ZNF280D: variants seen among roughly 807,000 people sequenced by gnomAD.
ZNF280D encodes zinc finger protein 280D, also known as suppressor of hairy wing homolog 4.
A neutral mutation model predicts 94.7 loss-of-function variants in ZNF280D; 39 were observed. The observed-to-expected ratio is 0.41, with a 90% CI of 0.32 to 0.54. The LOEUF is 0.54. ZNF280D is among the 20% of genes least tolerant of loss of function. The pLI is 0.22. For synonymous variants in ZNF280D, 398 were observed against 377.6 expected, an observed-to-expected ratio of 1.05 and a Z score of -0.63; for missense variants, 1,090 against 1,149.3, an observed-to-expected ratio of 0.95 and a Z score of 0.75.
At chr15:56,652,756 C>A (rs963966525) in intron 19 of ZNF280D, 17 of 984,814 alleles carry the variant, frequency 1.7e-5, no homozygotes, top group Non-Finnish European at 1.8e-5. Context: ...CAATTCTTTA[C>A]ACCTAAGAAC....
intron 4 of ZNF280D, among the ~76,000 whole-genome samples, chr15:56,702,930 C>T (rs1361382769): frequency 4.7e-5 from 7 of 150,408 alleles, no homozygotes; most frequent in African/African-American, 1.7e-4. Flanking sequence ...CACACACACA[C>T]ACACACACAC....
intron 21 of ZNF280D, among the ~76,000 whole-genome samples, chr15:56,632,679 A>T (rs1309233134): frequency 3.3e-5 from 5 of 151,476 alleles, no homozygotes; most frequent in Non-Finnish European, 7.4e-5. Context: ...TATATTTCAT[A>T]GAGACAAGGT....
In ZNF280D at chr15:56,631,839, T is replaced by C; in HGVS notation, c.2599A>G (p.Lys867Glu). Residue 867 changes from lysine (K) to glutamate (E), a missense_variant, in exon 22 of 22, where the codon AAA (lysine) becomes GAA (glutamate). This residue lies in a region of ZNF280D where 577 missense variants were observed against 568.8 expected (regional missense o/e 1.01). Coordinates refer to ENST00000267807, the MANE Select transcript of ZNF280D (RefSeq NM_017661.4). ...CTGGCTTCACTGGAGTTGTGATCTT[T>C]AATCTGATCAGATAAGATTATGTTT... ...SENIILSDQIKDHNSSEARFS... is the reference protein window; with the variant it reads ...SENIILSDQIEDHNSSEARFS... The C allele has an allele frequency of 6.2e-7, 1 of 1,613,992 alleles. No homozygotes were observed. The highest frequency in any genetic ancestry group is 8.5e-7 in the Non-Finnish European group (1 of 1,180,022).
intron 17 of ZNF280D, 51 bp from the exon 18 acceptor site, chr15:56,654,554 T>C: frequency 1.3e-6 from 2 of 1,497,430 alleles, no homozygotes; most frequent in Non-Finnish European, 1.8e-6. Flanking sequence ...GAAAATCCAC[T>C]TATAAGTTTG....
In ZNF280D at chr15:56,682,262, A is replaced by G; in HGVS notation, c.996T>C (p.Asn332=). 6.4e-7 allele frequency: 1 copy of G among 1,558,756 alleles called. No homozygotes were observed. The highest frequency in any genetic ancestry group is 8.6e-7 in the Non-Finnish European group (1 of 1,160,334). The part of the protein sequence containing the change: ...KCFSCLKILK[N]NIRFMNHMKH... ...AACAAGTATTTACATACCTAATGTT[A>G]TTTTTTAGAATTTTCAAGCAACTGA... The change falls in exon 10 of 22, where the codon AAT becomes AAC. Residue 332 remains asparagine, a synonymous_variant. Coordinates refer to ENST00000267807, the MANE Select transcript of ZNF280D (RefSeq NM_017661.4).
chr15:56,646,764 G>C (rs1377867701), intron 19 of ZNF280D, among the ~76,000 whole-genome samples: 1 of 152,158 alleles, frequency 6.6e-6, no homozygotes, highest in Non-Finnish European at 1.5e-5. Flanking sequence ...GTTTAGAAAA[G>C]ACATCTTTGT....
chr15:56,657,441 T>C (rs2053621672), intron 17 of ZNF280D, among the ~76,000 whole-genome samples: 1 of 152,142 alleles, frequency 6.6e-6, no homozygotes, highest in African/African-American at 2.4e-5. Flanking sequence ...ATTCAAATAT[T>C]GTTGGCGAGC....
intron 19 of ZNF280D, chr15:56,652,957 T>A (rs1307012013): frequency 3.8e-5 from 35 of 914,392 alleles, no homozygotes; most frequent in Middle Eastern, 5.7e-4. Flanking sequence ...AATATAAAAA[T>A]AGACATCATA....
chr15:56,631,124 G>A lies in ZNF280D; in HGVS notation c.*374C>T, dbSNP rs1399890215. 5.6e-6 allele frequency: 1 copy of A among 178,384 alleles called. No individual in the cohort carries two copies. The highest frequency in any genetic ancestry group is 2.4e-5 in the African/African-American group (1 of 42,110). The allele number at this position is 178,384 out of a possible 1,614,324, so 11.1% of individuals were successfully genotyped here. A position where few individuals can be genotyped will look rare whatever the true frequency, so the allele number is the denominator to read the frequency against. ...TCAGTTAACTGAAAAGGATATACAG[G>A]TAATAAAGATTTTTAGCTTAGGATT... On this transcript the variant is annotated 3_prime_UTR_variant, in exon 22 of 22. Coordinates refer to ENST00000267807, the MANE Select transcript of ZNF280D (RefSeq NM_017661.4).
intron 9 of ZNF280D, among the ~76,000 whole-genome samples, chr15:56,686,803 C>G (rs1163463820): frequency 6.7e-6 from 1 of 150,236 alleles, no homozygotes. Context: ...CTAGTTACGC[C>G]AGTTAATTGG....
At position 56,635,170 on chromosome 15, in the gene ZNF280D, A is replaced by T. The variant is rs553830201; in HGVS notation, c.2315+25T>A. ...TTATTTTGTATACTTGAATTTTATG[A>T]AATTCAGTTTTTCCTTATATTTACC... On this transcript the variant is annotated intron_variant, in intron 21 of 21. Coordinates refer to ENST00000267807, the MANE Select transcript of ZNF280D (RefSeq NM_017661.4). 4 of 1,446,122 alleles carry T rather than the reference A, an allele frequency of 2.8e-6. No homozygotes were observed. In the Middle Eastern group the frequency reaches 5.3e-4, roughly 191 times the overall value. 89.6% of individuals were successfully genotyped at this position (1,446,122 alleles called of 1,614,324 possible). A position where few individuals can be genotyped will look rare whatever the true frequency, so the allele number is the denominator to read the frequency against.
At chr15:56,726,272 G>A (rs2058627224) in intron 1 of ZNF280D, among the ~76,000 whole-genome samples, 1 of 151,770 alleles carries the variant, frequency 6.6e-6, no homozygotes, top group Non-Finnish European at 1.5e-5. Flanking sequence ...GTGTATTGGA[G>A]AGGGGTGGAA....
chr15:56,716,506 G>GA (rs529405989), intron 1 of ZNF280D, among the ~76,000 whole-genome samples: 8,021 of 87,948 alleles, frequency 0.091, 411 homozygotes, highest in Admixed American at 0.23. Context: ...CATTGTGACT[G>GA]AAAAAAAAAA....
chr15:56,731,530 A>C (rs1231146033), intron 1 of ZNF280D, among the ~76,000 whole-genome samples: 1 of 146,568 alleles, frequency 6.8e-6, no homozygotes, highest in Non-Finnish European at 1.5e-5. Flanking sequence ...AAAAAAAAAG[A>C]CTGAAAAGGA....
intron 16 of ZNF280D, among the ~76,000 whole-genome samples, chr15:56,660,571 T>C (rs1445296133): frequency 6.6e-6 from 1 of 152,118 alleles, no homozygotes; most frequent in Non-Finnish European, 1.5e-5. Flanking sequence ...AAAAAAATAC[T>C]ACCCTTCTTC....
intron 4 of ZNF280D, 92 bp downstream of exon 4, chr15:56,704,029 A>G: frequency 7.2e-7 from 1 of 1,381,024 alleles, no homozygotes; most frequent in Non-Finnish European, 9.9e-7. Context: ...ACAGTGGAAC[A>G]TGAACATCAA....
intron 1 of ZNF280D, 66 bp downstream of exon 1, chr15:56,733,392 G>A (rs1383947392): frequency 7.5e-6 from 7 of 937,296 alleles, no homozygotes; most frequent in Non-Finnish European, 9.0e-6. Flanking sequence ...GTGAGGCGGC[G>A]CAGGCCGCGC....
intron 7 of ZNF280D, among the ~76,000 whole-genome samples, chr15:56,692,886 T>C (rs926725258): frequency 1.8e-4 from 28 of 152,260 alleles, no homozygotes; most frequent in African/African-American, 6.5e-4. Flanking sequence ...TTGGTTAGCT[T>C]ACTTAATAGG....
chr15:56,699,980 C>T (rs2056962839), intron 6 of ZNF280D: 1 of 157,146 alleles, frequency 6.4e-6, no homozygotes, highest in African/African-American at 2.4e-5. Flanking sequence ...CACACTAAGG[C>T]ACCAGCAGCT....
Sources: allele counts gnomAD v4.1 joint callset (sites outside exome capture counted in the v4.1 genomes callset), GRCh38; gene constraint gnomAD v4.1.1; regional missense constraint gnomAD v4.1.1; transcripts MANE v1.5; gene names NCBI Gene and HGNC (gene_info 2026-07-23, HGNC 2026-07-21).